PARP1: variants seen among roughly 807,000 people sequenced by gnomAD.
The protein encoded by PARP1 is poly(ADP-ribose) polymerase 1.
Under a neutral mutation model 118.7 loss-of-function variants are expected in PARP1, and 44 were observed. That is an observed-to-expected ratio of 0.37 (90% CI 0.29 to 0.48). PARP1 has a LOEUF of 0.48. Ranked by LOEUF, PARP1 falls within the 20% of genes least tolerant of loss-of-function variation. PARP1 has a pLI of 0.99. For synonymous variants in PARP1, 492 were observed against 483.2 expected, an observed-to-expected ratio of 1.02 and a Z score of -0.24; for missense variants, 1,100 against 1,272.4, an observed-to-expected ratio of 0.86 and a Z score of 2.06.
intron 18 of PARP1, 68 bp from the exon 19 acceptor site, chr1:226,365,222 A>G (rs1304190580): frequency 2.6e-6 from 4 of 1,525,518 alleles, no homozygotes; most frequent in Non-Finnish European, 3.6e-6. Flanking sequence ...ACTGAAAGAC[A>G]GGACTGGATA....
At position 226,361,164 on chromosome 1, in the gene PARP1, T is replaced by C. The variant is rs139052323; in HGVS notation, c.*296A>G. On this transcript the variant is annotated 3_prime_UTR_variant, in exon 23 of 23. Coordinates refer to ENST00000366794, the MANE Select transcript of PARP1 (RefSeq NM_001618.4). ...TTCTAACGAAGCTTGGTTTTTTCCA[T>C]AGGACTAGTCTATGCAACAGAATCT... The C allele has an allele frequency of 1.6e-4, 74 of 451,824 alleles. No homozygotes were observed. The highest frequency in any genetic ancestry group is 3.5e-4 in the African/African-American group (18 of 51,528). The allele number at this position is 451,824 out of a possible 1,614,324, so 28.0% of individuals were successfully genotyped here.
At chr1:226,379,681 G>A (rs1390480453) in intron 10 of PARP1, 40 bp from the exon 11 acceptor site, 1 of 1,521,988 alleles carries the variant, frequency 6.6e-7, no homozygotes, top group East Asian at 2.3e-5. Flanking sequence ...GAAGTTAAAT[G>A]TAACTAAAAA....
Position 226,361,319 on chromosome 1 carries a change from A to G in PARP1, c.*141T>C. On this transcript the variant is annotated 3_prime_UTR_variant, in exon 23 of 23. Transcript: ENST00000366794. ...TGAGAAGTTAGAGAAAACCTTTAAC[A>G]CGTTTCTGTAAAATCCTTTCTGAGG... The G allele has an allele frequency of 1.4e-6, 1 of 709,480 alleles. No individual in the cohort carries two copies. The highest frequency in any genetic ancestry group is 2.0e-5 in the Admixed American group (1 of 49,490). The allele number at this position is 709,480 out of a possible 1,614,324, so 43.9% of individuals were successfully genotyped here.
intron 20 of PARP1, among the ~76,000 whole-genome samples, chr1:226,363,448 C>T (rs1314719316): frequency 1.3e-5 from 2 of 152,152 alleles, no homozygotes; most frequent in East Asian, 1.9e-4. Flanking sequence ...CGTCCACATT[C>T]CACAGTCCCC....
chr1:226,382,628 G>C (rs1210168078), intron 8 of PARP1, among the ~76,000 whole-genome samples: 1 of 152,180 alleles, frequency 6.6e-6, no homozygotes, highest in African/African-American at 2.4e-5. Context: ...CCAGGCTCAA[G>C]GGATCCTCCG....
chr1:226,371,343 T>C (rs1173465850), intron 14 of PARP1, among the ~76,000 whole-genome samples: 1 of 152,204 alleles, frequency 6.6e-6, no homozygotes, highest in Non-Finnish European at 1.5e-5. Context: ...CGCCTTTCCA[T>C]TTCTGCATGT....
At chr1:226,369,792 T>C (rs1365616188) in intron 15 of PARP1, among the ~76,000 whole-genome samples, 1 of 151,612 alleles carries the variant, frequency 6.6e-6, no homozygotes, top group Non-Finnish European at 1.5e-5. Flanking sequence ...CCACCTCTAC[T>C]AAAAATACAA....
chr1:226,403,932 C>T (rs1665088845), intron 1 of PARP1, among the ~76,000 whole-genome samples: 1 of 152,118 alleles, frequency 6.6e-6, no homozygotes, highest in African/African-American at 2.4e-5. Flanking sequence ...GATAAGGTAC[C>T]CCACTATCTC....
chr1:226,361,838 C>G, intron 22 of PARP1, 131 bp downstream of exon 22: 3 of 721,566 alleles, frequency 4.2e-6, no homozygotes, highest in Non-Finnish European at 7.6e-6. Context: ...AGAAGGGAAA[C>G]AGTCACCATG....
chr1:226,374,373 T>C lies in PARP1; in HGVS notation c.1942-19A>G. 1 of 1,614,116 alleles carries C rather than the reference T, an allele frequency of 6.2e-7. No homozygotes were observed. The highest frequency in any genetic ancestry group is 1.1e-5 in the South Asian group (1 of 91,078). Reference sequence around the variant, plus strand: ...CTTCATCCTTCAGGAAAAAAGCACATTGCTAAGAGACCCAAATCAACAACT... The same window carrying C: ...CTTCATCCTTCAGGAAAAAAGCACACTGCTAAGAGACCCAAATCAACAACT... On this transcript the variant is annotated intron_variant, in intron 13 of 22. Coordinates refer to ENST00000366794, the MANE Select transcript of PARP1 (RefSeq NM_001618.4).
chr1:226,382,913 T>C (rs1664645746), intron 8 of PARP1, 123 bp downstream of exon 8: 1 of 1,105,314 alleles, frequency 9.0e-7, no homozygotes, highest in Non-Finnish European at 1.4e-6. Context: ...GGCTTCCCCA[T>C]GGTGGGGTCA....
rs973788144 is a variant in PARP1, at chr1:226,408,052, G to A, written c.-123C>T. 1.8e-5 allele frequency: 25 copies of A among 1,405,758 alleles called. No homozygotes were observed. The highest frequency in any genetic ancestry group is 2.4e-5 in the South Asian group (2 of 84,012). 87.1% of individuals were successfully genotyped at this position (1,405,758 alleles called of 1,614,324 possible). On this transcript the variant is annotated 5_prime_UTR_variant, in exon 1 of 23. Transcript: ENST00000366794. The stretch of plus-strand genomic sequence containing the variant: ...CGCCTGAGCGGCCAGAGCCGCCACC[G>A]AACACGCCGCACCGGCCACCGCCGT...
In PARP1 at chr1:226,379,354, T is replaced by A. The variant is rs1664558261; in HGVS notation, c.1613-80A>T. On this transcript the variant is annotated intron_variant, in intron 11 of 22. Coordinates refer to ENST00000366794, the MANE Select transcript of PARP1 (RefSeq NM_001618.4). ...CTCACGGAGAAGGGATCTGCAGGCC[T>A]GAGGTTCACGCCTCTTGGATACACT... 3 of 1,570,412 alleles carry A rather than the reference T, an allele frequency of 1.9e-6. No homozygotes were observed. In the Admixed American group the frequency reaches 5.0e-5, roughly 26 times the overall value.
chr1:226,363,239 T>C, intron 20 of PARP1, 79 bp from the exon 21 acceptor site: 1 of 942,654 alleles, frequency 1.1e-6, no homozygotes, highest in Non-Finnish European at 1.8e-6. Context: ...GAGAATAAGA[T>C]CAGATACAGA....
chr1:226,377,979 C>T (rs972471299), intron 12 of PARP1, among the ~76,000 whole-genome samples: 45 of 152,210 alleles, frequency 3.0e-4, no homozygotes, highest in African/African-American at 1.1e-3. Flanking sequence ...GATAGAACTA[C>T]AGATTTCAAA....
rs1665186548 is a variant in PARP1 at position 226,407,965 on chromosome 1, A to G, written c.-36T>C. 1.2e-6 allele frequency: 2 copies of G among 1,611,268 alleles called. No homozygotes were observed. The highest frequency in any genetic ancestry group is 1.1e-5 in the South Asian group (1 of 91,020). On this transcript the variant is annotated 5_prime_UTR_variant, in exon 1 of 23. Coordinates refer to ENST00000366794, the MANE Select transcript of PARP1 (RefSeq NM_001618.4). Reference sequence around the variant, plus strand: ...CTGCCGCCAAAGCTCCGGAAGCCCGACGCCACGACCTAGAAACACGCTGCC... The same window carrying G: ...CTGCCGCCAAAGCTCCGGAAGCCCGGCGCCACGACCTAGAAACACGCTGCC...
At chr1:226,381,005 C>T (rs1258894520) in intron 9 of PARP1, 63 bp downstream of exon 9, 11 of 1,582,822 alleles carry the variant, frequency 6.9e-6, no homozygotes, top group Middle Eastern at 1.7e-4. Context: ...CTCACTTACT[C>T]GTCATCACAA....
intron 1 of PARP1, 103 bp downstream of exon 1, chr1:226,407,707 C>T: frequency 2.4e-6 from 3 of 1,227,296 alleles, no homozygotes; most frequent in Admixed American, 5.0e-5. Context: ...CTCCGAGGGC[C>T]CGGGCCCGCT....
intron 19 of PARP1, chr1:226,364,374 T>C (rs1171346769): frequency 2.6e-6 from 1 of 380,610 alleles, no homozygotes; most frequent in African/African-American, 2.1e-5. Context: ...AATGAGCTCA[T>C]CAGTGTTACT....
Sources: gnomAD v4.1 joint callset for allele counts (sites outside exome capture counted in the v4.1 genomes callset) on GRCh38, gnomAD v4.1.1 for gene constraint, MANE v1.5 for transcripts, NCBI Gene and HGNC (gene_info 2026-07-23, HGNC 2026-07-21) for gene names.